The following DAB1 variants were observed in gnomAD, a reference collection of about 807,000 sequenced individuals.
DAB1 encodes DAB adaptor protein 1.
In DAB1, 15 loss-of-function variants were observed where a neutral mutation model predicts 64.6. That is an observed-to-expected ratio of 0.23 (90% CI 0.16 to 0.36). The LOEUF (loss-of-function observed/expected upper bound fraction) is 0.36, where lower values mean the gene tolerates loss of function less well. Among genes scored for constraint, DAB1 ranks in the 10% least tolerant of loss-of-function variants. DAB1 has a pLI of 1.00. For synonymous variants in DAB1, 235 were observed against 251.9 expected (o/e 0.93, Z 0.64); for missense variants, 596 against 706.7 (o/e 0.84, Z 1.78).
intron 9 of DAB1, among the ~76,000 whole-genome samples, chr1:57,038,911 A>C (rs1226114156): frequency 3.3e-5 from 5 of 152,216 alleles, no homozygotes; most frequent in African/African-American, 1.2e-4. Flanking sequence ...GACAAAGTTC[A>C]GGGTGCTAAG....
At chr1:57,011,755 A>G (rs1468767484) in intron 12 of DAB1, among the ~76,000 whole-genome samples, 1 of 152,236 alleles carries the variant, frequency 6.6e-6, no homozygotes, top group African/African-American at 2.4e-5. Flanking sequence ...AACTTTACAG[A>G]CAATATCTCT....
chr1:57,532,654 T>A (rs1449093496), intron 7 of DAB1, among the ~76,000 whole-genome samples: 1 of 152,188 alleles, frequency 6.6e-6, no homozygotes, highest in Non-Finnish European at 1.5e-5. Context: ...TAGGATGTGG[T>A]AAGCATAGCA....
chr1:57,444,342 AAAAG>A (rs1686059251), intron 7 of DAB1, among the ~76,000 whole-genome samples: 1 of 152,198 alleles, frequency 6.6e-6, no homozygotes, highest in African/African-American at 2.4e-5. Flanking sequence ...TTACTATATA[AAAAG>A]AATGATTAAA....
chr1:58,490,353 T>C (rs930960008), intron 3 of DAB1, among the ~76,000 whole-genome samples: 13 of 152,044 alleles, frequency 8.6e-5, no homozygotes, highest in Admixed American at 5.2e-4. Flanking sequence ...TGATGGAAGA[T>C]GAAATTAATG....
intron 4 of DAB1, among the ~76,000 whole-genome samples, chr1:58,231,162 GTA>G (rs1262086106): frequency 6.6e-6 from 1 of 152,148 alleles, no homozygotes; most frequent in Admixed American, 6.5e-5. Flanking sequence ...TATCTTTATT[GTA>G]TATATGAGGA....
intron 7 of DAB1, among the ~76,000 whole-genome samples, chr1:57,640,796 G>A (rs1004537719): frequency 1.3e-5 from 2 of 152,176 alleles, no homozygotes; most frequent in African/African-American, 4.8e-5. Flanking sequence ...CTGAGACACT[G>A]ATAAATAAAG....
chr1:58,356,147 C>G (rs557602384), intron 3 of DAB1, among the ~76,000 whole-genome samples: 13 of 152,328 alleles, frequency 8.5e-5, no homozygotes, highest in Non-Finnish European at 1.8e-4. Context: ...AGTCCTCAAA[C>G]TAGCGTCTGC....
At chr1:57,966,674 C>T (rs574902716) in intron 5 of DAB1, among the ~76,000 whole-genome samples, 19 of 152,130 alleles carry the variant, frequency 1.2e-4, no homozygotes, top group South Asian at 2.1e-4. Flanking sequence ...GGCCTTAACT[C>T]GAATGCCAAG....
Position 58,074,543 on chromosome 1 carries a change from T to TATATATAC in DAB1, n.387+75967_387+75968insGTATATAT, listed in dbSNP as rs1360215801. Reference sequence around the variant, plus strand: ...ATATACATATATATATATATATATATACACACATATATATATGTGTGTATA... The same window carrying TATATATAC: ...ATATACATATATATATATATATATATATATATACACACACATATATATATGTGTGTATA... On this transcript the variant is annotated intron_variant and non_coding_transcript_variant, in intron 5 of 20. Transcript: ENST00000485760. The TATATATAC allele has an allele frequency of 4.9e-4, 47 of 95,882 alleles. 1 individual carries two copies. The highest frequency in any genetic ancestry group is 1.9e-3 in the African/African-American group (45 of 24,014). The allele number at this position is 95,882 out of a possible 1,614,324, so 5.9% of individuals were successfully genotyped here. A position where few individuals can be genotyped will look rare whatever the true frequency, so the allele number is the denominator to read the frequency against.
intron 5 of DAB1, among the ~76,000 whole-genome samples, chr1:57,932,482 T>TG (rs943840790): frequency 2.0e-5 from 3 of 151,190 alleles, no homozygotes; most frequent in African/African-American, 4.9e-5. Context: ...TTTTTTTTTT[T>TG]TTGTATTTTT....
At chr1:57,372,368 A>G (rs1680568030) in intron 1 of DAB1, among the ~76,000 whole-genome samples, 1 of 152,198 alleles carries the variant, frequency 6.6e-6, no homozygotes, top group Non-Finnish European at 1.5e-5. Flanking sequence ...TTATCTCCAG[A>G]AAGACACATG....
At chr1:58,399,332 A>G (rs1252751541) in intron 3 of DAB1, among the ~76,000 whole-genome samples, 1 of 152,234 alleles carries the variant, frequency 6.6e-6, no homozygotes, top group Non-Finnish European at 1.5e-5. Flanking sequence ...ACTCAGGTCC[A>G]CTGAGATGTG....
intron 3 of DAB1, among the ~76,000 whole-genome samples, chr1:58,457,490 A>G (rs947577094): frequency 6.6e-6 from 1 of 152,204 alleles, no homozygotes; most frequent in Middle Eastern, 3.2e-3. Context: ...TGCTGAACTT[A>G]CACAGCTCAT....
intron 5 of DAB1, among the ~76,000 whole-genome samples, chr1:58,134,448 A>G (rs554874857): frequency 2.4e-4 from 37 of 152,140 alleles, no homozygotes; most frequent in Non-Finnish European, 4.9e-4. Context: ...TTCAGTTCCA[A>G]CATACAAATT....
At chr1:57,138,825 AG>A (rs1453224415) in intron 3 of DAB1, among the ~76,000 whole-genome samples, 1 of 152,184 alleles carries the variant, frequency 6.6e-6, no homozygotes, top group Non-Finnish European at 1.5e-5. Context: ...TCCTCCTGGA[AG>A]TTACCACCAT....
Position 58,162,188 on chromosome 1 carries a change from A to G in DAB1, n.310-11600T>C, listed in dbSNP as rs114310772. Among the ~76,000 whole-genome samples the G allele has an allele frequency of 2.3e-3, 353 of 152,266 alleles. 1 individual carries two copies. Among genetic ancestry groups the G allele is most frequent in the African/African-American group, 7.8e-3 (326 of 41,552 alleles). ...AGATCTTGCCCTTAAAGTAACGGGA[A>G]AAGAGGATATTCTTATCATGCCAAA... On this transcript the variant is annotated intron_variant and non_coding_transcript_variant, in intron 4 of 20. Transcript: ENST00000485760.
intron 2 of DAB1, among the ~76,000 whole-genome samples, chr1:57,187,989 C>T (rs547391317): frequency 1.3e-5 from 2 of 152,242 alleles, no homozygotes; most frequent in Admixed American, 6.5e-5. Context: ...GCAATCCCCT[C>T]CCCGCTGCTC....
chr1:57,109,870 A>G (rs559963431), intron 4 of DAB1, among the ~76,000 whole-genome samples: 6 of 152,334 alleles, frequency 3.9e-5, no homozygotes, highest in Admixed American at 6.5e-5. Flanking sequence ...TCTGAAATCA[A>G]TAGCCCCAGG....
intron 1 of DAB1, among the ~76,000 whole-genome samples, chr1:57,882,290 T>A (rs901146212): frequency 1.3e-5 from 2 of 152,158 alleles, no homozygotes; most frequent in Non-Finnish European, 2.9e-5. Context: ...TCTGCTGGAT[T>A]CCAAAATGGA....
Sources: gnomAD v4.1 joint callset for allele counts (sites outside exome capture counted in the v4.1 genomes callset) on GRCh38, gnomAD v4.1.1 for gene constraint, MANE v1.5 for transcripts, NCBI Gene and HGNC (gene_info 2026-07-23, HGNC 2026-07-21) for gene names.